CREB3L1: variants seen among roughly 807,000 people sequenced by gnomAD.
The protein encoded by CREB3L1 is cAMP responsive element binding protein 3 like 1, also known as cyclic AMP-responsive element-binding protein 3-like protein 1.
A neutral mutation model predicts 54.5 loss-of-function variants in CREB3L1; 33 were observed. The observed-to-expected ratio is 0.61, with a 90% CI of 0.46 to 0.81. CREB3L1 has a LOEUF of 0.81. Ranked by LOEUF, CREB3L1 falls within the 30% of genes least tolerant of loss-of-function variation. The pLI is 0.00. For synonymous variants in CREB3L1, 284 were observed against 286.4 expected (o/e 0.99, Z 0.08); for missense variants, 656 against 673.3 (o/e 0.97, Z 0.29).
At chr11:46,288,495 G>A (rs1340542885) in intron 1 of CREB3L1, among the ~76,000 whole-genome samples, 5 of 152,182 alleles carry the variant, frequency 3.3e-5, no homozygotes, top group Admixed American at 6.5e-5. Context: ...GACAGCCCTC[G>A]CAGGAATATC....
chr11:46,318,660 G>A (rs553971837), intron 10 of CREB3L1, among the ~76,000 whole-genome samples: 48 of 152,286 alleles, frequency 3.2e-4, no homozygotes, highest in Admixed American at 9.2e-4. Context: ...GATTTCAGAC[G>A]CAGAGAATCC....
intron 8 of CREB3L1, 74 bp downstream of exon 8, chr11:46,312,993 G>A (rs1939514817): frequency 1.8e-6 from 2 of 1,100,132 alleles, no homozygotes; most frequent in Non-Finnish European, 1.3e-6. Flanking sequence ...CATAGCTCTG[G>A]GAGACAGGGG....
intron 2 of CREB3L1, among the ~76,000 whole-genome samples, chr11:46,302,023 C>T (rs1484620745): frequency 6.6e-6 from 1 of 151,372 alleles, no homozygotes; most frequent in Non-Finnish European, 1.5e-5. Context: ...AATAAATTAG[C>T]CGGGCATGGT....
rs1566183314 is a variant in CREB3L1 at position 46,295,060 on chromosome 11, CG to C, written c.103-4870del. 1 of 152,268 alleles carries C rather than the reference CG, an allele frequency of 6.6e-6. No individual in the cohort carries two copies. The highest frequency in any genetic ancestry group is 1.5e-5 in the Non-Finnish European group (1 of 68,222). The allele number at this position is 152,268 out of a possible 1,614,324, so 9.4% of individuals were successfully genotyped here. On this transcript the variant is annotated intron_variant, in intron 1 of 11. Transcript: ENST00000621158. The surrounding 1 kb of genome is among the most constrained non-coding windows in gnomAD (Gnocchi z 4.6). Reference sequence around the variant, plus strand: ...AAGCACAGACTGAACCAGCCTGGGCCGGGGGAGGGGCAGAAGTTAGGAGTGG... The same window carrying C: ...AAGCACAGACTGAACCAGCCTGGGCCGGGGAGGGGCAGAAGTTAGGAGTGG...
rs112675900 is a variant in CREB3L1, at chr11:46,280,661, G to A, written c.102+2448G>A. 7.5e-4 allele frequency among the ~76,000 whole-genome samples: 114 copies of A among 152,296 alleles called. 1 individual carries two copies. Among genetic ancestry groups the A allele is most frequent in the African/African-American group, 2.6e-3 (106 of 41,568 alleles). Reference sequence around the variant, plus strand: ...CTTGATCCATAGAGACTGGATGGGCGTGATAGTGAGAATTGCTCAGCTACG... The same window carrying A: ...CTTGATCCATAGAGACTGGATGGGCATGATAGTGAGAATTGCTCAGCTACG... On this transcript the variant is annotated intron_variant, in intron 1 of 11. Coordinates refer to ENST00000621158, the MANE Select transcript of CREB3L1 (RefSeq NM_052854.4).
Position 46,320,859 on chromosome 11 carries a change from G to C in CREB3L1, c.*113G>C. 1 of 1,157,504 alleles carries C rather than the reference G, an allele frequency of 8.6e-7. No individual in the cohort carries two copies. The highest frequency in any genetic ancestry group is 2.0e-5 in the Admixed American group (1 of 50,658). 71.7% of individuals were successfully genotyped at this position (1,157,504 alleles called of 1,614,324 possible). A position where few individuals can be genotyped will look rare whatever the true frequency, so the allele number is the denominator to read the frequency against. ...TGCCTCCTGGAGCTTCCCATTCCAG[G>C]AGAAAAGGCTCCACTTCCCAGCCCT... is the stretch of plus-strand genomic sequence containing the variant. On this transcript the variant is annotated 3_prime_UTR_variant, in exon 12 of 12. Coordinates refer to ENST00000621158, the MANE Select transcript of CREB3L1 (RefSeq NM_052854.4).
chr11:46,311,960 G>T (rs180699320), intron 5 of CREB3L1, among the ~76,000 whole-genome samples: 2 of 152,288 alleles, frequency 1.3e-5, no homozygotes, highest in Non-Finnish European at 2.9e-5. Context: ...AGGAAACATG[G>T]AGCTAGGCCC....
At position 46,278,672 on chromosome 11, in the gene CREB3L1, C is replaced by A. The variant is rs1343103085; in HGVS notation, c.102+459C>A. 6.6e-6 allele frequency among the ~76,000 whole-genome samples: 1 copy of A among 152,210 alleles called. No homozygotes were observed. The highest frequency in any genetic ancestry group is 6.5e-5 in the Admixed American group (1 of 15,284). On this transcript the variant is annotated intron_variant, in intron 1 of 11. Coordinates refer to ENST00000621158, the MANE Select transcript of CREB3L1 (RefSeq NM_052854.4). This position sits in a 1 kb window ranked among gnomAD's most constrained non-coding sequence, Gnocchi z 4.2. ...CCTGAGACCCGACCCCTCGGGGAAGCCAGGCCCAGAAATTTCAGGGTGCTA... is the reference window on the plus strand; with the variant it reads ...CCTGAGACCCGACCCCTCGGGGAAGACAGGCCCAGAAATTTCAGGGTGCTA...
chr11:46,315,301 GTTAT>G (rs1156255455), intron 8 of CREB3L1: 2 of 217,630 alleles, frequency 9.2e-6, no homozygotes, highest in Non-Finnish European at 1.9e-5. Context: ...AGCCCTTGTA[GTTAT>G]TTCGCCACCT....
At position 46,305,648 on chromosome 11, in the gene CREB3L1, G is replaced by T. The variant is rs920163665; in HGVS notation, c.332-2168G>T. ...TATATGTATATATATACATATATAT[G>T]TGTGTATATATGTGTGTATATATAT... On this transcript the variant is annotated intron_variant, in intron 2 of 11. Coordinates refer to ENST00000621158, the MANE Select transcript of CREB3L1 (RefSeq NM_052854.4). 2.1e-4 allele frequency among the ~76,000 whole-genome samples: 27 copies of T among 129,970 alleles called. No individual in the cohort carries two copies. The East Asian group carries it at 5.1e-3, about 25-fold the overall frequency. The allele number at this position is 129,970 out of a possible 152,430, so 85.3% of individuals were successfully genotyped here.
At chr11:46,320,648 G>A in intron 11 of CREB3L1, 62 bp from the exon 12 acceptor site, 1 of 1,576,698 alleles carries the variant, frequency 6.3e-7, no homozygotes, top group South Asian at 1.1e-5. Flanking sequence ...TCTAGATCCA[G>A]CTTGCAGAGG....
At chr11:46,308,788 C>A (rs1256422513) in intron 3 of CREB3L1, among the ~76,000 whole-genome samples, 1 of 152,184 alleles carries the variant, frequency 6.6e-6, no homozygotes, top group Non-Finnish European at 1.5e-5. Flanking sequence ...AAGGTCAGCC[C>A]CTCCCTGCCC....
intron 5 of CREB3L1, 82 bp from the exon 6 acceptor site, chr11:46,312,243 G>A: frequency 1.6e-6 from 2 of 1,240,798 alleles, no homozygotes; most frequent in East Asian, 2.5e-5. Flanking sequence ...CCTTGCCCAG[G>A]TCATATAGAT....
At chr11:46,308,821 G>T (rs770655954) in intron 3 of CREB3L1, among the ~76,000 whole-genome samples, 5 of 152,226 alleles carry the variant, frequency 3.3e-5, no homozygotes, top group Non-Finnish European at 5.9e-5. Flanking sequence ...GTGGGATCAA[G>T]GGTCGGCGGC....
chr11:46,285,902 G>A (rs1056008239), intron 1 of CREB3L1, among the ~76,000 whole-genome samples: 2 of 152,354 alleles, frequency 1.3e-5, no homozygotes, highest in African/African-American at 4.8e-5. Flanking sequence ...GCCAGGAGGC[G>A]GGTTTCAGGC....
At chr11:46,281,939 C>T (rs1938981956) in intron 1 of CREB3L1, among the ~76,000 whole-genome samples, 1 of 152,164 alleles carries the variant, frequency 6.6e-6, no homozygotes, top group Non-Finnish European at 1.5e-5. Context: ...GAGCCCAAAT[C>T]TCAGGGTGCC....
At chr11:46,306,937 G>A (rs1183156429) in intron 2 of CREB3L1, among the ~76,000 whole-genome samples, 3 of 150,574 alleles carry the variant, frequency 2.0e-5, no homozygotes, top group Admixed American at 6.6e-5. Flanking sequence ...GCAGTGGTGC[G>A]ATCTCAGCCC....
At chr11:46,312,741 G>C (rs932721161) in intron 7 of CREB3L1, 71 bp downstream of exon 7, 4 of 1,562,046 alleles carry the variant, frequency 2.6e-6, no homozygotes, top group Non-Finnish European at 3.5e-6. Flanking sequence ...CCTCCCTCAG[G>C]GGGCAGCAGA....
intron 1 of CREB3L1, among the ~76,000 whole-genome samples, chr11:46,291,351 G>A (rs914236422): frequency 3.3e-5 from 5 of 152,224 alleles, no homozygotes; most frequent in East Asian, 1.9e-4. Context: ...AAAGCACTTC[G>A]CAATTGTTGT....
Sources: allele counts gnomAD v4.1 joint callset (sites outside exome capture counted in the v4.1 genomes callset), GRCh38; gene constraint gnomAD v4.1.1; non-coding constraint Gnocchi (gnomAD v3.1); transcripts MANE v1.5; gene names NCBI Gene and HGNC (gene_info 2026-07-23, HGNC 2026-07-21).